The following ALOX12B variants were observed in gnomAD, a reference collection of about 807,000 sequenced individuals.
The protein encoded by ALOX12B is arachidonate 12-lipoxygenase, 12R-type.
ALOX12B carries 47 observed loss-of-function variants against 78.9 expected under a neutral mutation model. That is an observed-to-expected ratio of 0.60 (90% CI 0.47 to 0.76). The LOEUF (loss-of-function observed/expected upper bound fraction) is 0.76. Ranked by LOEUF, ALOX12B falls within the 30% of genes least tolerant of loss-of-function variation. ALOX12B has a pLI of 0.00. For missense variants in ALOX12B, 805 were observed against 922.6 expected, an observed-to-expected ratio of 0.87 and a Z score of 1.65; for synonymous variants, 370 against 374.5, an observed-to-expected ratio of 0.99 and a Z score of 0.14.
intron 12 of ALOX12B, 55 bp from the exon 13 acceptor site, chr17:8,073,812 C>T (rs1598177359): frequency 5.6e-6 from 8 of 1,428,346 alleles, no homozygotes; most frequent in Non-Finnish European, 7.8e-6. Context: ...GTACTGGCTG[C>T]CCGGCAGAGG....
chr17:8,086,187 G>A lies in ALOX12B; in HGVS notation c.181C>T (p.Leu61=), dbSNP rs879189076. ...GQYTVQCPQD[L]GELIIIRLHK... ...AGGCGGATGATGATGAGCTCACCCAGGTCCTGAGGGCACTGCACGGTGTAC... is the reference window on the plus strand; with the variant it reads ...AGGCGGATGATGATGAGCTCACCCAAGTCCTGAGGGCACTGCACGGTGTAC... Residue 61 remains leucine, a synonymous_variant, in exon 2 of 15, where the codon CTG becomes TTG. Transcript: ENST00000647874. 3 of 1,614,116 alleles carry A rather than the reference G, an allele frequency of 1.9e-6. No individual in the cohort carries two copies. In the South Asian group the frequency reaches 3.3e-5, roughly 18 times the overall value.
Position 8,079,954 on chromosome 17 carries a change from C to A in ALOX12B, c.755-13G>T, listed in dbSNP as rs372906468. On this transcript the variant is annotated splice_polypyrimidine_tract_variant and intron_variant, in intron 6 of 14. Coordinates refer to ENST00000647874, the MANE Select transcript of ALOX12B (RefSeq NM_001139.3). This position sits in a 1 kb window ranked among gnomAD's most constrained non-coding sequence, Gnocchi z 6.4. ...TCGGCCACGTACTCTGCGAGGACGG[C>A]GCGAGGGCGTCACAAGGAGGCCCGG... 1.3e-4 allele frequency: 217 copies of A among 1,608,966 alleles called. No homozygotes were observed. The highest frequency in any genetic ancestry group is 1.7e-4 in the Non-Finnish European group (200 of 1,177,868).
Position 8,087,628 on chromosome 17 carries a change from T to C in ALOX12B, c.-186A>G. ...GCCAGCCAAATTCTGGAAAAGCTGCTGCCCTTGGTGGCCGGGGTGGGTGCC... is the reference window on the plus strand; with the variant it reads ...GCCAGCCAAATTCTGGAAAAGCTGCCGCCCTTGGTGGCCGGGGTGGGTGCC... On this transcript the variant is annotated 5_prime_UTR_variant, in exon 1 of 15. Coordinates refer to ENST00000647874, the MANE Select transcript of ALOX12B (RefSeq NM_001139.3). The C allele has an allele frequency of 1.0e-6, 1 of 959,850 alleles. No homozygotes were observed. The highest frequency in any genetic ancestry group is 1.6e-6 in the Non-Finnish European group (1 of 641,706). 59.5% of individuals were successfully genotyped at this position (959,850 alleles called of 1,614,324 possible). A position where few individuals can be genotyped will look rare whatever the true frequency, so the allele number is the denominator to read the frequency against.
At chr17:8,087,186 T>G (rs2151825194) in intron 1 of ALOX12B, 110 bp downstream of exon 1, 1 of 1,498,214 alleles carries the variant, frequency 6.7e-7, no homozygotes, top group Middle Eastern at 2.0e-4. Flanking sequence ...CCTGCGCACC[T>G]TCACCCCTCC....
chr17:8,075,482 C>CA, intron 12 of ALOX12B, 113 bp downstream of exon 12: 1 of 1,556,154 alleles, frequency 6.4e-7, no homozygotes, highest in Non-Finnish European at 8.8e-7. Context: ...TGGTCTCCTT[C>CA]AGTCTACAAT....
chr17:8,086,134 G>C lies in ALOX12B; in HGVS notation c.234C>G (p.Pro78=), dbSNP rs779912696. The change falls in exon 2 of 15, where the codon CCC becomes CCG. Residue 78 remains proline (P), a synonymous_variant. Transcript: ENST00000647874. The part of the protein sequence containing the change: ...RLHKERYAFF[P]KDPWYCNYVQ... ...CATAGTTGCAGTACCAAGGGTCCTT[G>C]GGGAAGAAGGCGTACCGCTCTTTGT... 2 of 1,614,190 alleles carry C rather than the reference G, an allele frequency of 1.2e-6. No homozygotes were observed. The highest frequency in any genetic ancestry group is 1.7e-6 in the Non-Finnish European group (2 of 1,180,018).
In ALOX12B at chr17:8,076,693, C is replaced by A. The variant is rs1260718914; in HGVS notation, c.1326G>T (p.Arg442=). 5 of 1,551,264 alleles carry A rather than the reference C, an allele frequency of 3.2e-6. No homozygotes were observed. Among genetic ancestry groups the A allele is most frequent in the Non-Finnish European group, 2.6e-6 (3 of 1,147,090 alleles). The change falls in exon 10 of 15, where the codon CGG becomes CGT. Residue 442 remains arginine (R), a synonymous_variant. Coordinates refer to ENST00000647874, the MANE Select transcript of ALOX12B (RefSeq NM_001139.3). ...RYTVQINSIG[R]AVLLNEGGLS... ...GCCCCCCCTCATTGAGGAGAACGGCCCGGCCAATGCTGTTGATCTGGACGG... is the reference window on the plus strand; with the variant it reads ...GCCCCCCCTCATTGAGGAGAACGGCACGGCCAATGCTGTTGATCTGGACGG...
rs1185742773 is a variant in ALOX12B at position 8,086,172 on chromosome 17, T to C, written c.196A>G (p.Ile66Val). 6 of 1,613,984 alleles carry C rather than the reference T, an allele frequency of 3.7e-6. No individual in the cohort carries two copies. The Admixed American group carries it at 5.0e-5, about 13-fold the overall frequency. Residue 66 changes from isoleucine to valine, a missense_variant, in exon 2 of 15, where the codon ATC (isoleucine) becomes GTC (valine). By Grantham distance (29) the Ile-to-Val change is conservative. Transcript: ENST00000647874. ...QCPQDLGELI[I>V]IRLHKERYAF... ...TACCGCTCTTTGTGCAGGCGGATGA[T>C]GATGAGCTCACCCAGGTCCTGAGGG...
chr17:8,078,080 C>A (rs997530950), intron 8 of ALOX12B, among the ~76,000 whole-genome samples: 2 of 152,014 alleles, frequency 1.3e-5, no homozygotes, highest in African/African-American at 4.8e-5. Context: ...GTATTGGGTA[C>A]TATAAGAAAT....
At chr17:8,073,594 C>T in intron 13 of ALOX12B, 63 bp downstream of exon 13, 1 of 1,463,436 alleles carries the variant, frequency 6.8e-7, no homozygotes, top group East Asian at 2.3e-5. Flanking sequence ...GAGGTTGGGG[C>T]ATGGACGAAA....
At position 8,073,309 on chromosome 17, in the gene ALOX12B, T is replaced by G; in HGVS notation, c.1765A>C (p.Thr589Pro). Residue 589 changes from threonine to proline, a missense_variant, in exon 14 of 15, where the codon ACC (threonine) becomes CCC (proline). Coordinates refer to ENST00000647874, the MANE Select transcript of ALOX12B (RefSeq NM_001139.3). The stretch of plus-strand genomic sequence containing the variant: ...GCTGGGAAGTTGGGCATCCAGGCGG[T>G]GAACTCCATCTGGAGGTGGGATAGA... The part of the protein sequence containing the change: ...AAVNTGQMEF[T>P]AWMPNFPASM... 1 of 1,614,084 alleles carries G rather than the reference T, an allele frequency of 6.2e-7. No individual in the cohort carries two copies. Among genetic ancestry groups the G allele is most frequent in the East Asian group, 2.2e-5 (1 of 44,886 alleles).
chr17:8,080,452 C>A lies in ALOX12B; in HGVS notation c.651-114G>T, dbSNP rs1598181239. On this transcript the variant is annotated intron_variant, in intron 5 of 14. Transcript: ENST00000647874. The surrounding 1 kb of genome is among the most constrained non-coding windows in gnomAD (Gnocchi z 4.8). ...TCTCTGGGTCTCAGGGTCTGTGCGT[C>A]GCAAAGTCTCTGGGTCCCATGTCTC... 2 of 1,411,652 alleles carry A rather than the reference C, an allele frequency of 1.4e-6. No homozygotes were observed. The highest frequency in any genetic ancestry group is 2.0e-6 in the Non-Finnish European group (2 of 1,000,170). The allele number at this position is 1,411,652 out of a possible 1,614,324, so 87.4% of individuals were successfully genotyped here.
intron 12 of ALOX12B, 95 bp downstream of exon 12, chr17:8,075,500 G>T (rs1008516710): frequency 1.9e-6 from 3 of 1,590,110 alleles, no homozygotes; most frequent in Non-Finnish European, 2.6e-6. Flanking sequence ...AATAAAATAT[G>T]TTCTGATCCA....
In ALOX12B at chr17:8,077,082, C is replaced by A. The variant is rs201810996; in HGVS notation, c.1183G>T (p.Ala395Ser). 1.2e-6 allele frequency: 2 copies of A among 1,614,046 alleles called. No individual in the cohort carries two copies. Among genetic ancestry groups the A allele is most frequent in the East Asian group, 4.5e-5 (2 of 44,876 alleles). Reference sequence around the variant, plus strand: ...TGTGTCTCCAGCAGGTGGGCGATGGCCTCGTGGCTGTAGAACTCCGCATAG... The same window carrying A: ...TGTGTCTCCAGCAGGTGGGCGATGGACTCGTGGCTGTAGAACTCCGCATAG... Reference protein sequence around the residue: ...VRYAEFYSHEAIAHLLETHLI... With the variant: ...VRYAEFYSHESIAHLLETHLI... Residue 395 changes from alanine to serine, a missense_variant, in exon 9 of 15, where the codon GCC (alanine) becomes TCC (serine). Transcript: ENST00000647874.
Position 8,079,426 on chromosome 17 carries a change from G to C in ALOX12B, c.1041C>G (p.Pro347=), listed in dbSNP as rs993559874. 3.5e-5 allele frequency: 55 copies of C among 1,551,640 alleles called. No homozygotes were observed. The highest frequency in any genetic ancestry group is 4.6e-5 in the Non-Finnish European group (53 of 1,147,336). The change falls in exon 8 of 15, where the codon CCC becomes CCG. Residue 347 remains proline, a synonymous_variant. Coordinates refer to ENST00000647874, the MANE Select transcript of ALOX12B (RefSeq NM_001139.3). This position sits in a 1 kb window ranked among gnomAD's most constrained non-coding sequence, Gnocchi z 6.4. The part of the protein sequence containing the change: ...CAPLCLLHFG[P]EGKMMPIAIQ... ...TGGCGATGGGCATCATCTTGCCCTC[G>C]GGTCCAAAGTGCAGCAGGCAGAGGG...
Position 8,079,713 on chromosome 17 carries a change from A to G in ALOX12B, c.927+56T>C. ...GCGCCGGAGGTGGGGAGAGACGGGG[A>G]TGCCCGCGAGGGAGGCCGGGAGGAG... On this transcript the variant is annotated intron_variant, in intron 7 of 14. Coordinates refer to ENST00000647874, the MANE Select transcript of ALOX12B (RefSeq NM_001139.3). The surrounding 1 kb of genome is among the most constrained non-coding windows in gnomAD (Gnocchi z 6.4). 3 of 1,574,688 alleles carry G rather than the reference A, an allele frequency of 1.9e-6. No individual in the cohort carries two copies. The highest frequency in any genetic ancestry group is 2.6e-6 in the Non-Finnish European group (3 of 1,161,834).
In ALOX12B at chr17:8,079,256, G is replaced by T; in HGVS notation, c.1071+140C>A. The T allele has an allele frequency of 1.5e-6, 2 of 1,300,126 alleles. No homozygotes were observed. The allele number at this position is 1,300,126 out of a possible 1,614,324, so 80.5% of individuals were successfully genotyped here. On this transcript the variant is annotated intron_variant, in intron 8 of 14. Coordinates refer to ENST00000647874, the MANE Select transcript of ALOX12B (RefSeq NM_001139.3). The surrounding 1 kb of genome is among the most constrained non-coding windows in gnomAD (Gnocchi z 6.4). The stretch of plus-strand genomic sequence containing the variant: ...CTGCAGATTTTGGCATCCCGGGGAG[G>T]TCCTGGAACCAATCTCTCAAGGATA...
chr17:8,075,464 C>G, intron 12 of ALOX12B, 131 bp downstream of exon 12: 2 of 1,443,936 alleles, frequency 1.4e-6, no homozygotes, highest in South Asian at 1.2e-5. Context: ...AATCCTAGGG[C>G]AGCAATTTGG....
At chr17:8,081,435 T>C (rs1047421174) in intron 2 of ALOX12B, 1 of 583,386 alleles carries the variant, frequency 1.7e-6, no homozygotes, top group Non-Finnish European at 3.1e-6. Flanking sequence ...AAGTCCCTCC[T>C]CTAGACCCAC....
Sources: allele counts gnomAD v4.1 joint callset (sites outside exome capture counted in the v4.1 genomes callset), GRCh38; gene constraint gnomAD v4.1.1; non-coding constraint Gnocchi (gnomAD v3.1); transcripts MANE v1.5; gene names NCBI Gene and HGNC (gene_info 2026-07-23, HGNC 2026-07-21).